The following CPA6 variants were observed in gnomAD, a reference collection of about 807,000 sequenced individuals.
CPA6 encodes carboxypeptidase A6.
Under a neutral mutation model 63.3 loss-of-function variants are expected in CPA6, and 58 were observed. The observed-to-expected ratio is 0.92, with a 90% CI of 0.74 to 1.14. The LOEUF (loss-of-function observed/expected upper bound fraction) is 1.14, where lower values mean the gene tolerates loss of function less well. CPA6 is among the 50% of genes most tolerant of loss of function. CPA6 has a pLI of 0.00. For missense variants in CPA6, 565 were observed against 526.6 expected (o/e 1.07, Z -0.71); for synonymous variants, 185 against 179.0 (o/e 1.03, Z -0.27).
chr8:67,609,899 G>A (rs1266445443), intron 2 of CPA6, among the ~76,000 whole-genome samples: 1 of 152,164 alleles, frequency 6.6e-6, no homozygotes, highest in Non-Finnish European at 1.5e-5. Flanking sequence ...GCTTGTGCCT[G>A]TAATCCCAGC....
At chr8:67,731,795 C>T (rs537212054) in intron 1 of CPA6, among the ~76,000 whole-genome samples, 8 of 152,194 alleles carry the variant, frequency 5.3e-5, no homozygotes, top group South Asian at 2.1e-4. Flanking sequence ...AGGAAGAATA[C>T]GACCAATAAA....
intron 8 of CPA6, among the ~76,000 whole-genome samples, chr8:67,460,970 T>C (rs1810786842): frequency 6.6e-6 from 1 of 152,056 alleles, no homozygotes; most frequent in African/African-American, 2.4e-5. Context: ...TGCTTTGCTC[T>C]TCCCCACCCC....
chr8:67,504,225 A>G (rs570701160), intron 6 of CPA6, among the ~76,000 whole-genome samples: 12 of 152,268 alleles, frequency 7.9e-5, no homozygotes, highest in South Asian at 2.1e-4. Context: ...AAAGGCTGAT[A>G]AGTTTTCTTC....
chr8:67,668,100 C>T, intron 1 of CPA6, among the ~76,000 whole-genome samples: 1 of 152,210 alleles, frequency 6.6e-6, no homozygotes, highest in Non-Finnish European at 1.5e-5. Flanking sequence ...ACTTTATGTG[C>T]ATATGCACAA....
intron 2 of CPA6, among the ~76,000 whole-genome samples, chr8:67,529,652 A>G (rs190320990): frequency 6.6e-6 from 1 of 152,354 alleles, no homozygotes; most frequent in African/African-American, 2.4e-5. Flanking sequence ...TAAGTAGGTC[A>G]AGTGAAAACG....
At chr8:67,631,805 CA>C (rs1486271893) in intron 1 of CPA6, among the ~76,000 whole-genome samples, 3 of 152,174 alleles carry the variant, frequency 2.0e-5, no homozygotes, top group Non-Finnish European at 4.4e-5. Context: ...CCAGCGAGAT[CA>C]TGAACCCACC....
In CPA6 at chr8:67,728,012, A is replaced by G. The variant is rs139058589; in HGVS notation, c.116+18002T>C. Among the ~76,000 whole-genome samples the G allele has an allele frequency of 8.0e-3, 1,207 of 150,988 alleles. 18 individuals carry two copies. The highest frequency in any genetic ancestry group is 0.028 in the African/African-American group (1,131 of 41,108). ...AGAATGGTGTGAACCCAGGAGGCAG[A>G]GCTTGCAGTGAGCCGAGATAGCACT... On this transcript the variant is annotated intron_variant, in intron 1 of 10. Coordinates refer to ENST00000297770, the MANE Select transcript of CPA6 (RefSeq NM_020361.5).
intron 2 of CPA6, among the ~76,000 whole-genome samples, chr8:67,599,067 C>T (rs559363395): frequency 2.0e-5 from 3 of 152,062 alleles, no homozygotes; most frequent in African/African-American, 7.2e-5. Context: ...CTTTAAGCTA[C>T]CTGGTTTAAG....
At chr8:67,545,575 T>TG (rs1812797897) in intron 2 of CPA6, among the ~76,000 whole-genome samples, 6 of 121,718 alleles carry the variant, frequency 4.9e-5, no homozygotes, top group Non-Finnish European at 9.6e-5. Flanking sequence ...TTTTTTTTTT[T>TG]TTTTTTTTTG....
intron 5 of CPA6, among the ~76,000 whole-genome samples, 177 bp downstream of exon 5, chr8:67,509,340 T>G (rs1015383701): frequency 3.3e-5 from 5 of 152,166 alleles, no homozygotes; most frequent in Admixed American, 3.3e-4. Flanking sequence ...AAATATCCAA[T>G]GGCAAAAATG....
rs1458941172 is a variant in CPA6, at chr8:67,566,744, C to T, written c.193-48697G>A. Among the ~76,000 whole-genome samples, 3 of 152,308 alleles carry T rather than the reference C, an allele frequency of 2.0e-5. No individual in the cohort carries two copies. In the East Asian group the frequency reaches 5.8e-4, roughly 29 times the overall value. ...CAGTATGCCAGTTCACCCTCTCCAT[C>T]CCTATGCCCAGAGAGCAGGAGCTGC... is the stretch of plus-strand genomic sequence containing the variant. On this transcript the variant is annotated intron_variant, in intron 2 of 10. Coordinates refer to ENST00000297770, the MANE Select transcript of CPA6 (RefSeq NM_020361.5).
rs570995566 is a variant in CPA6, at chr8:67,631,920, G to A, written c.117-7669C>T. The stretch of plus-strand genomic sequence containing the variant: ...AGCCAGCGAGACCACGAACCCACCA[G>A]AAGGAAAAACCTCTGAACATGTCCG... On this transcript the variant is annotated intron_variant, in intron 1 of 10. Coordinates refer to ENST00000297770, the MANE Select transcript of CPA6 (RefSeq NM_020361.5). Among the ~76,000 whole-genome samples, 5 of 152,100 alleles carry A rather than the reference G, an allele frequency of 3.3e-5. No homozygotes were observed. The East Asian group carries it at 9.7e-4, about 29-fold the overall frequency.
intron 1 of CPA6, among the ~76,000 whole-genome samples, chr8:67,629,975 G>C (rs1164641543): frequency 6.6e-6 from 1 of 151,674 alleles, no homozygotes; most frequent in African/African-American, 2.4e-5. Flanking sequence ...CGTAGTGGCA[G>C]ACATCTATAG....
intron 1 of CPA6, among the ~76,000 whole-genome samples, chr8:67,682,690 T>A (rs181542783): frequency 2.0e-5 from 3 of 152,388 alleles, no homozygotes; most frequent in African/African-American, 7.2e-5. Context: ...CTTTAAGGCT[T>A]GCTTAAAAGC....
intron 8 of CPA6, among the ~76,000 whole-genome samples, chr8:67,476,361 T>C (rs1301565986): frequency 6.6e-6 from 1 of 152,142 alleles, no homozygotes; most frequent in African/African-American, 2.4e-5. Flanking sequence ...CACGGGAAGA[T>C]GCCAAACTCT....
chr8:67,443,150 C>A (rs2128954196), intron 8 of CPA6, among the ~76,000 whole-genome samples: 1 of 152,074 alleles, frequency 6.6e-6, no homozygotes, highest in Admixed American at 6.6e-5. Flanking sequence ...GCAACCTCCA[C>A]CTCCTGTGTT....
intron 3 of CPA6, among the ~76,000 whole-genome samples, chr8:67,515,736 G>A (rs1563982932): frequency 6.6e-6 from 1 of 152,050 alleles, no homozygotes; most frequent in East Asian, 1.9e-4. Context: ...TAGGCTACCT[G>A]TTCTTGACTG....
intron 1 of CPA6, among the ~76,000 whole-genome samples, chr8:67,682,034 C>T (rs559168143): frequency 8.6e-5 from 13 of 151,770 alleles, no homozygotes; most frequent in South Asian, 4.2e-4. Flanking sequence ...CTGTACATAA[C>T]GTGACTTTTT....
chr8:67,706,590 A>C lies in CPA6; in HGVS notation c.116+39424T>G, dbSNP rs150229463. Among the ~76,000 whole-genome samples the C allele has an allele frequency of 7.0e-3, 1,067 of 152,304 alleles. 15 individuals carry two copies. Among genetic ancestry groups the C allele is most frequent in the Middle Eastern group, 0.02 (6 of 294 alleles). On this transcript the variant is annotated intron_variant, in intron 1 of 10. Coordinates refer to ENST00000297770, the MANE Select transcript of CPA6 (RefSeq NM_020361.5). ...AGCAAGTTGTGGAAGGTTTGTGAAA[A>C]ATTAATTTGTAAAACAAATTCTGTG...
Sources: gnomAD v4.1 joint callset for allele counts (sites outside exome capture counted in the v4.1 genomes callset) on GRCh38, gnomAD v4.1.1 for gene constraint, MANE v1.5 for transcripts, NCBI Gene and HGNC (gene_info 2026-07-23, HGNC 2026-07-21) for gene names.